The following XIRP2 variants were observed in gnomAD, a reference collection of about 807,000 sequenced individuals.
XIRP2 encodes xin actin-binding repeat-containing protein 2.
Under a neutral mutation model 277.0 loss-of-function variants are expected in XIRP2, and 236 were observed. The ratio of observed to expected loss-of-function variants is 0.85; its 90% CI spans 0.77 to 0.95. XIRP2 has a LOEUF of 0.95. Ranked by LOEUF, XIRP2 falls within the 40% of genes least tolerant of loss-of-function variation. The pLI is 0.00. For synonymous variants in XIRP2, 1,490 were observed against 1,416.5 expected (o/e 1.05, Z -1.17); for missense variants, 4,640 against 4,157.5 (o/e 1.12, Z -3.19).
At chr2:167,011,336 G>C (rs572383948) in intron 2 of XIRP2, among the ~76,000 whole-genome samples, 41 of 151,644 alleles carry the variant, frequency 2.7e-4, no homozygotes, top group Non-Finnish European at 5.0e-4. Context: ...TAATAATGTG[G>C]TTTTTGTCTT....
chr2:167,246,063 A>G lies in XIRP2; in HGVS notation c.4671A>G (p.Glu1557=). The G allele has an allele frequency of 6.2e-7, 1 of 1,613,668 alleles. No individual in the cohort carries two copies. Among genetic ancestry groups the G allele is most frequent in the Non-Finnish European group, 8.5e-7 (1 of 1,179,778 alleles). The change falls in exon 9 of 11, where the codon GAA becomes GAG. Residue 1557 remains glutamate, a synonymous_variant. Coordinates refer to ENST00000409195, the MANE Select transcript of XIRP2 (RefSeq NM_152381.6). ...IIGKSIKETL[E]DLYSQKVIQA... is the part of the protein sequence containing the mutation. ...GCAAGAGCATTAAAGAAACCTTAGA[A>G]GATCTCTACTCTCAAAAAGTTATCC...
intron 2 of XIRP2, among the ~76,000 whole-genome samples, chr2:167,026,438 G>T (rs1303042999): frequency 6.6e-6 from 1 of 152,112 alleles, no homozygotes; most frequent in Admixed American, 6.6e-5. Flanking sequence ...TTTAATTGGA[G>T]CATTTATCCC....
chr2:167,088,271 T>C (rs1690023957), intron 2 of XIRP2, among the ~76,000 whole-genome samples: 1 of 152,082 alleles, frequency 6.6e-6, no homozygotes, highest in African/African-American at 2.4e-5. Context: ...AATTTTTCAT[T>C]ATCTTTTATC....
At chr2:167,013,019 T>A (rs1027772889) in intron 2 of XIRP2, among the ~76,000 whole-genome samples, 3 of 151,404 alleles carry the variant, frequency 2.0e-5, no homozygotes, top group Non-Finnish European at 3.0e-5. Context: ...ATAAATTAAA[T>A]TAAAAATTTA....
intron 3 of XIRP2, among the ~76,000 whole-genome samples, chr2:167,165,580 A>G (rs1220794633): frequency 1.3e-5 from 2 of 152,148 alleles, no homozygotes; most frequent in East Asian, 1.9e-4. Flanking sequence ...TTTAACTTGA[A>G]GTTCTTTGAC....
chr2:166,931,465 A>G (rs1317363413), intron 2 of XIRP2, among the ~76,000 whole-genome samples: 1 of 152,166 alleles, frequency 6.6e-6, no homozygotes, highest in Non-Finnish European at 1.5e-5. Flanking sequence ...CTTCTATCAT[A>G]ACAGATTAGA....
intron 2 of XIRP2, among the ~76,000 whole-genome samples, chr2:166,933,018 T>C (rs1304549977): frequency 6.6e-6 from 1 of 152,110 alleles, no homozygotes; most frequent in Non-Finnish European, 1.5e-5. Flanking sequence ...CTTGGCTGTA[T>C]TTATTCCTTC....
chr2:167,009,798 C>T lies in XIRP2; in HGVS notation c.408+105908C>T, dbSNP rs188531731. 9.5e-4 allele frequency among the ~76,000 whole-genome samples: 145 copies of T among 152,264 alleles called. 4 individuals are homozygous for T. In the East Asian group the frequency reaches 0.023, roughly 25 times the overall value. On this transcript the variant is annotated intron_variant, in intron 2 of 10. Coordinates refer to ENST00000409195, the MANE Select transcript of XIRP2 (RefSeq NM_152381.6). ...GGTATCTCATTGTGGTTTTGATTTG[C>T]ACTTCTCTGATAGCCAGTGACGGTG...
intron 3 of XIRP2, among the ~76,000 whole-genome samples, chr2:167,164,100 G>A (rs1018773509): frequency 1.3e-5 from 2 of 152,056 alleles, no homozygotes; most frequent in African/African-American, 4.8e-5. Context: ...AGTCCTCTTG[G>A]CTACAGTGCC....
chr2:167,228,400 G>A (rs1015692579), intron 5 of XIRP2, among the ~76,000 whole-genome samples: 4 of 152,138 alleles, frequency 2.6e-5, no homozygotes, highest in Non-Finnish European at 5.9e-5. Flanking sequence ...GAACATGGTA[G>A]GCCATTCCAG....
intron 2 of XIRP2, among the ~76,000 whole-genome samples, chr2:167,046,399 A>G (rs1688788119): frequency 6.6e-6 from 1 of 151,772 alleles, no homozygotes; most frequent in South Asian, 2.1e-4. Context: ...AGGTGTGGAG[A>G]ATTTTTAATA....
In XIRP2 at chr2:167,246,464, T is replaced by C. The variant is rs1695268335; in HGVS notation, c.5072T>C (p.Ile1691Thr). ...EDEKGDINMT[I>T]YCLLHENDGD... Reference sequence around the variant, plus strand: ...GAAAAAGGAGATATTAACATGACTATCTATTGTCTTCTTCATGAAAATGAT... The same window carrying C: ...GAAAAAGGAGATATTAACATGACTACCTATTGTCTTCTTCATGAAAATGAT... The change falls in exon 9 of 11, where the codon ATC becomes ACC. Residue 1691 changes from isoleucine (I) to threonine (T), a missense_variant. Coordinates refer to ENST00000409195, the MANE Select transcript of XIRP2 (RefSeq NM_152381.6). 6.2e-7 allele frequency: 1 copy of C among 1,613,586 alleles called. No individual in the cohort carries two copies. Among genetic ancestry groups the C allele is most frequent in the Non-Finnish European group, 8.5e-7 (1 of 1,179,658 alleles).
rs60405920 is a variant in XIRP2 at position 167,095,851 on chromosome 2, C to CTTTTTT, written c.409-40023_409-40018dup. 2.5e-3 allele frequency among the ~76,000 whole-genome samples: 118 copies of CTTTTTT among 47,304 alleles called. 43 individuals carry two copies. The highest frequency in any genetic ancestry group is 4.6e-3 in the Non-Finnish European group (94 of 20,636). 31.0% of individuals were successfully genotyped at this position (47,304 alleles called of 152,430 possible). ...TAAAAATGATTTAGGAGGCGTCACT[C>CTTTTTT]TTTTTTTTTTTTTTTTTTTTTTTTT... On this transcript the variant is annotated intron_variant, in intron 2 of 10. Transcript: ENST00000409195.
chr2:167,161,335 C>T (rs1273125736), intron 3 of XIRP2, among the ~76,000 whole-genome samples: 1 of 152,236 alleles, frequency 6.6e-6, no homozygotes, highest in African/African-American at 2.4e-5. Context: ...TCTGATCCCA[C>T]ATTTCCCTTC....
At chr2:167,209,762 A>G (rs1279948617) in intron 3 of XIRP2, among the ~76,000 whole-genome samples, 1 of 152,054 alleles carries the variant, frequency 6.6e-6, no homozygotes, top group Non-Finnish European at 1.5e-5. Context: ...AAGAAAAACT[A>G]GTTTTGAGAT....
chr2:166,916,897 T>C (rs1437832762), intron 2 of XIRP2, among the ~76,000 whole-genome samples: 1 of 152,092 alleles, frequency 6.6e-6, no homozygotes, highest in Non-Finnish European at 1.5e-5. Context: ...ACCACCTAAT[T>C]TTTCTGAAGA....
At chr2:167,152,572 G>A (rs1008988969) in intron 3 of XIRP2, among the ~76,000 whole-genome samples, 3 of 151,938 alleles carry the variant, frequency 2.0e-5, no homozygotes, top group Non-Finnish European at 4.4e-5. Flanking sequence ...GGGATAGGTA[G>A]AAAGAAAAAA....
intron 3 of XIRP2, chr2:167,187,305 A>C (rs1693184132): frequency 1.0e-6 from 1 of 985,242 alleles, no homozygotes; most frequent in Admixed American, 6.2e-5. Flanking sequence ...GTTCCTAAAA[A>C]TAGGTGCCAA....
intron 2 of XIRP2, among the ~76,000 whole-genome samples, chr2:167,059,799 T>G (rs1211638872): frequency 1.3e-5 from 2 of 152,190 alleles, no homozygotes. Context: ...ACACTAAATC[T>G]GGTCTTGGCG....
Sources: gnomAD v4.1 joint callset for allele counts (sites outside exome capture counted in the v4.1 genomes callset) on GRCh38, gnomAD v4.1.1 for gene constraint, MANE v1.5 for transcripts, NCBI Gene and HGNC (gene_info 2026-07-23, HGNC 2026-07-21) for gene names.